The following AGBL1 variants were observed in gnomAD, a reference collection of about 807,000 sequenced individuals.
AGBL1 encodes cytosolic carboxypeptidase 4.
Under a neutral mutation model 118.9 loss-of-function variants are expected in AGBL1, and 130 were observed. The ratio of observed to expected loss-of-function variants is 1.09; its 90% CI spans 0.95 to 1.26. The LOEUF is 1.26. Ranked by LOEUF, AGBL1 falls within the 50% of genes most tolerant of loss-of-function variation. AGBL1 has a pLI of 0.00. For synonymous variants in AGBL1, 555 were observed against 478.9 expected, an observed-to-expected ratio of 1.16 and a Z score of -2.08; for missense variants, 1,584 against 1,298.1, an observed-to-expected ratio of 1.22 and a Z score of -3.38.
intron 18 of AGBL1, among the ~76,000 whole-genome samples, chr15:86,502,126 TG>T (rs1474086730): frequency 6.6e-6 from 1 of 151,596 alleles, no homozygotes; most frequent in Non-Finnish European, 1.5e-5. Context: ...AATAATGTTT[TG>T]TCTTTTGTGG....
chr15:86,311,771 C>T (rs1014456060), intron 17 of AGBL1, among the ~76,000 whole-genome samples: 1 of 152,162 alleles, frequency 6.6e-6, no homozygotes, highest in Non-Finnish European at 1.5e-5. Flanking sequence ...ATTCGATATA[C>T]CACACCCAGC....
chr15:86,784,239 T>C (rs1181976785), intron 22 of AGBL1, among the ~76,000 whole-genome samples: 2 of 152,204 alleles, frequency 1.3e-5, no homozygotes, highest in African/African-American at 4.8e-5. Context: ...ATATTAATAA[T>C]GTTGGAGCAT....
At chr15:86,956,172 C>T (rs867260611) in intron 23 of AGBL1, among the ~76,000 whole-genome samples, 1 of 151,588 alleles carries the variant, frequency 6.6e-6, no homozygotes, top group African/African-American at 2.4e-5. Flanking sequence ...TCTAGAGAAA[C>T]AGAACCGGTA....
chr15:86,743,944 T>C (rs1323551985), intron 22 of AGBL1, among the ~76,000 whole-genome samples: 1 of 152,080 alleles, frequency 6.6e-6, no homozygotes, highest in Non-Finnish European at 1.5e-5. Flanking sequence ...ATGGGTAAGT[T>C]AGGAAAAGAT....
At chr15:86,843,848 T>C (rs2079281587) in intron 22 of AGBL1, among the ~76,000 whole-genome samples, 1 of 152,206 alleles carries the variant, frequency 6.6e-6, no homozygotes, top group Non-Finnish European at 1.5e-5. Context: ...AATACAGTAT[T>C]ATCATCATCC....
chr15:86,821,627 A>G (rs570103688), intron 22 of AGBL1, among the ~76,000 whole-genome samples: 2 of 152,210 alleles, frequency 1.3e-5, no homozygotes, highest in Non-Finnish European at 2.9e-5. Flanking sequence ...TGTAATGGCC[A>G]TAGATGTCAA....
At chr15:86,627,101 A>C (rs541640523) in intron 21 of AGBL1, among the ~76,000 whole-genome samples, 2 of 152,146 alleles carry the variant, frequency 1.3e-5, no homozygotes, top group African/African-American at 4.8e-5. Context: ...CCTGGGTTCA[A>C]GTGATTCTCC....
intron 18 of AGBL1, among the ~76,000 whole-genome samples, chr15:86,445,593 G>T (rs927799074): frequency 6.6e-6 from 1 of 152,186 alleles, no homozygotes; most frequent in African/African-American, 2.4e-5. Context: ...TAGCGAGTGT[G>T]GTAATAGAGT....
rs550693817 is a variant in AGBL1 at position 86,495,278 on chromosome 15, C to A, written c.2556-27532C>A. On this transcript the variant is annotated intron_variant, in intron 18 of 22. Transcript: ENST00000614907. ...CTTTAATTAAAAGCAAACAAACACA[C>A]CCCATTCCAAGAAAATTTCTAAAAT... Among the ~76,000 whole-genome samples, 368 of 151,630 alleles carry A rather than the reference C, an allele frequency of 2.4e-3. 1 individual carries two copies. Among genetic ancestry groups the A allele is most frequent in the Non-Finnish European group, 3.3e-3 (225 of 67,884 alleles).
At chr15:86,462,086 C>A (rs887995908) in intron 18 of AGBL1, among the ~76,000 whole-genome samples, 6 of 152,170 alleles carry the variant, frequency 3.9e-5, no homozygotes, top group Non-Finnish European at 7.3e-5. Context: ...ACTGTGCCTG[C>A]CTGTATCAAT....
chr15:86,784,221 T>G (rs994079162), intron 22 of AGBL1, among the ~76,000 whole-genome samples: 1 of 152,192 alleles, frequency 6.6e-6, no homozygotes, highest in African/African-American at 2.4e-5. Flanking sequence ...TGTTAAATAT[T>G]AATAATGATA....
chr15:86,433,143 G>C (rs183256469), intron 18 of AGBL1, among the ~76,000 whole-genome samples: 107 of 152,244 alleles, frequency 7.0e-4, no homozygotes, highest in African/African-American at 2.4e-3. Flanking sequence ...CTGAGAAGAA[G>C]CCACTTCCTG....
intron 22 of AGBL1, among the ~76,000 whole-genome samples, chr15:86,701,359 A>C (rs1051493518): frequency 1.3e-5 from 2 of 152,038 alleles, no homozygotes. Context: ...GTGTGTTCAT[A>C]ATTCTGAAGC....
At chr15:86,867,504 A>G (rs1199888853) in intron 22 of AGBL1, among the ~76,000 whole-genome samples, 1 of 152,150 alleles carries the variant, frequency 6.6e-6, no homozygotes, top group Admixed American at 6.5e-5. Context: ...TAAGCATTAA[A>G]TTACACTGGA....
intron 18 of AGBL1, among the ~76,000 whole-genome samples, chr15:86,400,565 C>T (rs1194020725): frequency 1.3e-5 from 2 of 150,822 alleles, no homozygotes; most frequent in African/African-American, 4.9e-5. Flanking sequence ...ATCCCCCGAG[C>T]AGTGTACATT....
chr15:86,725,451 G>A (rs62031372), intron 22 of AGBL1, among the ~76,000 whole-genome samples: 13,097 of 152,248 alleles, frequency 0.086, 687 homozygotes, highest in Non-Finnish European at 0.12. Context: ...AGCAGAGCAT[G>A]GGTGAAGTCT....
At chr15:86,803,532 G>A (rs770049280) in intron 22 of AGBL1, among the ~76,000 whole-genome samples, 6 of 152,032 alleles carry the variant, frequency 3.9e-5, no homozygotes, top group East Asian at 3.9e-4. Flanking sequence ...ATCCTGCCTC[G>A]TTTCAGAAAC....
chr15:86,583,928 T>A (rs967037616), intron 21 of AGBL1, among the ~76,000 whole-genome samples: 2 of 152,126 alleles, frequency 1.3e-5, no homozygotes, highest in African/African-American at 4.8e-5. Flanking sequence ...GATTTGCATT[T>A]CTCTGATTAT....
chr15:86,347,030 T>C (rs2080548685), intron 17 of AGBL1, among the ~76,000 whole-genome samples: 1 of 152,206 alleles, frequency 6.6e-6, no homozygotes, highest in Admixed American at 6.5e-5. Flanking sequence ...TCTGACGGTT[T>C]ATTGAATATG....
Sources: gnomAD v4.1 joint callset for allele counts (sites outside exome capture counted in the v4.1 genomes callset) on GRCh38, gnomAD v4.1.1 for gene constraint, MANE v1.5 for transcripts, NCBI Gene and HGNC (gene_info 2026-07-23, HGNC 2026-07-21) for gene names.